FHIT: variants seen among roughly 807,000 people sequenced by gnomAD.
The protein encoded by FHIT is bis(5'-adenosyl)-triphosphatase.
In FHIT, 19 loss-of-function variants were observed where a neutral mutation model predicts 17.9. That is an observed-to-expected ratio of 1.06 (90% CI 0.74 to 1.56). FHIT has a LOEUF of 1.56. FHIT is among the 40% of genes most tolerant of loss of function. The pLI, the probability that FHIT is intolerant of heterozygous loss-of-function variation, is 0.00. For synonymous variants in FHIT, 81 were observed against 69.7 expected (o/e 1.16, Z -0.81); for missense variants, 248 against 189.2 (o/e 1.31, Z -1.82).
intron 1 of FHIT, among the ~76,000 whole-genome samples, chr3:61,237,804 A>ACTT (rs1293661399): frequency 2.6e-5 from 4 of 152,242 alleles, no homozygotes; most frequent in African/African-American, 9.6e-5. Context: ...GAGGTTGAGC[A>ACTT]CTTCACTCAA....
At chr3:59,782,015 A>G (rs1702610019) in intron 8 of FHIT, among the ~76,000 whole-genome samples, 2 of 151,778 alleles carry the variant, frequency 1.3e-5, no homozygotes, top group Non-Finnish European at 2.9e-5. Context: ...AGGGAGGAAC[A>G]CTCAGAAAAT....
At chr3:59,782,114 A>T (rs192574657) in intron 8 of FHIT, among the ~76,000 whole-genome samples, 159 of 152,348 alleles carry the variant, frequency 1.0e-3, no homozygotes, top group Middle Eastern at 3.4e-3. Flanking sequence ...AACCTGACTT[A>T]TCTACCAGAT....
intron 7 of FHIT, among the ~76,000 whole-genome samples, chr3:59,983,942 T>C (rs1211232262): frequency 1.6e-5 from 2 of 127,380 alleles, no homozygotes; most frequent in African/African-American, 5.2e-5. Context: ...AGCCTCTACG[T>C]ACTGAAGTGA....
intron 8 of FHIT, among the ~76,000 whole-genome samples, chr3:59,919,208 T>G (rs1460122769): frequency 6.6e-6 from 1 of 152,112 alleles, no homozygotes; most frequent in African/African-American, 2.4e-5. Flanking sequence ...ACTGACCAAA[T>G]GTAGATATCC....
At chr3:61,117,938 C>T (rs938678681) in intron 2 of FHIT, among the ~76,000 whole-genome samples, 2 of 152,228 alleles carry the variant, frequency 1.3e-5, no homozygotes, top group South Asian at 4.1e-4. Flanking sequence ...ATGGGGCACT[C>T]TTTTGAGTTC....
chr3:60,650,451 T>G (rs2039965261), intron 4 of FHIT, among the ~76,000 whole-genome samples: 1 of 152,158 alleles, frequency 6.6e-6, no homozygotes, highest in Admixed American at 6.5e-5. Flanking sequence ...AGTCCACTGT[T>G]TATCACTTCA....
At chr3:60,558,607 C>A (rs2036824440) in intron 4 of FHIT, among the ~76,000 whole-genome samples, 1 of 152,048 alleles carries the variant, frequency 6.6e-6, no homozygotes, top group African/African-American at 2.4e-5. Flanking sequence ...TTCCCAGGAG[C>A]TCCGACCTCC....
intron 5 of FHIT, among the ~76,000 whole-genome samples, chr3:60,098,452 T>G (rs1190360512): frequency 1.3e-5 from 2 of 151,818 alleles, no homozygotes; most frequent in African/African-American, 2.4e-5. Flanking sequence ...TGATTTGCAT[T>G]TCTCTGATGG....
chr3:60,912,186 CAAAT>C lies in FHIT; in HGVS notation c.-110-90179_-110-90176del, dbSNP rs1216568424. ...GAATAAGAATAAACTAGTAAACAAA[CAAAT>C]AGAATACAATGTAAGCTGCAGTACA... On this transcript the variant is annotated intron_variant, in intron 3 of 9. Transcript: ENST00000492590. 3.3e-5 allele frequency among the ~76,000 whole-genome samples: 5 copies of C among 152,172 alleles called. No homozygotes were observed. The East Asian group carries it at 9.7e-4, about 29-fold the overall frequency.
intron 7 of FHIT, among the ~76,000 whole-genome samples, chr3:59,968,884 G>A (rs1019556919): frequency 6.6e-6 from 1 of 152,184 alleles, no homozygotes; most frequent in African/African-American, 2.4e-5. Context: ...CCTTTCAGAT[G>A]CCAATGCAGC....
intron 5 of FHIT, among the ~76,000 whole-genome samples, chr3:60,465,110 A>T (rs1304313828): frequency 1.3e-5 from 2 of 151,994 alleles, no homozygotes; most frequent in Non-Finnish European, 2.9e-5. Flanking sequence ...TTTGATTTGC[A>T]TTTCTCTGAT....
chr3:60,078,803 AT>A (rs2107026222), intron 5 of FHIT, among the ~76,000 whole-genome samples: 1 of 152,290 alleles, frequency 6.6e-6, no homozygotes, highest in South Asian at 2.1e-4. Context: ...ACACTCATAT[AT>A]AGGTGAGAGA....
At chr3:60,470,507 G>A (rs1236731718) in intron 5 of FHIT, among the ~76,000 whole-genome samples, 2 of 151,938 alleles carry the variant, frequency 1.3e-5, no homozygotes, top group African/African-American at 4.8e-5. Context: ...GGCACATGGA[G>A]AGTATTGCCT....
chr3:61,194,545 T>G (rs1297839499), intron 2 of FHIT, among the ~76,000 whole-genome samples: 1 of 152,138 alleles, frequency 6.6e-6, no homozygotes, highest in Non-Finnish European at 1.5e-5. Flanking sequence ...TTTCAAAACA[T>G]TCCAATAAAA....
intron 5 of FHIT, among the ~76,000 whole-genome samples, chr3:60,404,956 C>A (rs1701796534): frequency 6.6e-6 from 1 of 152,172 alleles, no homozygotes; most frequent in Non-Finnish European, 1.5e-5. Flanking sequence ...GCAGCAGCAG[C>A]AGAAATCCTA....
chr3:60,833,665 A>C (rs1702414350), intron 3 of FHIT, among the ~76,000 whole-genome samples: 1 of 152,184 alleles, frequency 6.6e-6, no homozygotes, highest in South Asian at 2.1e-4. Context: ...AATTCCCTTC[A>C]ATGGTAACAT....
intron 5 of FHIT, among the ~76,000 whole-genome samples, chr3:60,513,089 A>G (rs1437565666): frequency 9.9e-5 from 15 of 152,202 alleles, no homozygotes; most frequent in Admixed American, 9.8e-4. Flanking sequence ...ATTCTTGGAA[A>G]ATGCAAGCTG....
At chr3:60,449,734 G>C (rs922891725) in intron 5 of FHIT, among the ~76,000 whole-genome samples, 1 of 152,050 alleles carries the variant, frequency 6.6e-6, no homozygotes, top group African/African-American at 2.4e-5. Flanking sequence ...AGCTGGCGTG[G>C]TGACTCAGGC....
intron 2 of FHIT, among the ~76,000 whole-genome samples, chr3:61,073,524 T>C (rs2034875507): frequency 6.6e-6 from 1 of 152,220 alleles, no homozygotes; most frequent in Non-Finnish European, 1.5e-5. Context: ...ATAAAATATA[T>C]GTTTTAAAGC....
Sources: gnomAD v4.1 joint callset for allele counts (sites outside exome capture counted in the v4.1 genomes callset) on GRCh38, gnomAD v4.1.1 for gene constraint, MANE v1.5 for transcripts, NCBI Gene and HGNC (gene_info 2026-07-23, HGNC 2026-07-21) for gene names.